Variants in TRPC4 observed in about 807,000 individuals in gnomAD.
TRPC4 encodes short transient receptor potential channel 4.
A neutral mutation model predicts 99.4 loss-of-function variants in TRPC4; 49 were observed. That is an observed-to-expected ratio of 0.49 (90% CI 0.39 to 0.63). The LOEUF is 0.63. Among genes scored for constraint, TRPC4 ranks in the 20% least tolerant of loss-of-function variants. TRPC4 has a pLI of 0.00. For missense variants in TRPC4, 898 were observed against 1,152.9 expected (o/e 0.78, Z 3.20); for synonymous variants, 454 against 425.9 (o/e 1.07, Z -0.81).
intron 1 of TRPC4, among the ~76,000 whole-genome samples, chr13:37,867,922 A>G (rs1959874762): frequency 6.6e-6 from 1 of 152,134 alleles, no homozygotes; most frequent in African/African-American, 2.4e-5. Context: ...CATAAGTTAG[A>G]AAGTTAGTTT....
At chr13:37,721,428 C>T (rs558140521) in intron 3 of TRPC4, among the ~76,000 whole-genome samples, 44 of 152,208 alleles carry the variant, frequency 2.9e-4, no homozygotes, top group African/African-American at 1.0e-3. Context: ...AAATTTAGGG[C>T]TTTCAAAGAG....
chr13:37,707,281 C>T (rs1171501969), intron 3 of TRPC4, among the ~76,000 whole-genome samples: 1 of 152,038 alleles, frequency 6.6e-6, no homozygotes, highest in Non-Finnish European at 1.5e-5. Context: ...TGAACATATA[C>T]CATAGAACAT....
chr13:37,780,467 G>A (rs888767829), intron 2 of TRPC4, among the ~76,000 whole-genome samples: 10 of 152,070 alleles, frequency 6.6e-5, no homozygotes, highest in Non-Finnish European at 1.5e-4. Context: ...GGCATACCAT[G>A]AGTATGAAAA....
At chr13:37,724,400 G>A (rs1312377913) in intron 3 of TRPC4, among the ~76,000 whole-genome samples, 1 of 151,964 alleles carries the variant, frequency 6.6e-6, no homozygotes, top group East Asian at 1.9e-4. Context: ...AATTAGAAAT[G>A]GTAAAAAGGG....
At chr13:37,688,757 A>T (rs557289969) in intron 4 of TRPC4, among the ~76,000 whole-genome samples, 1 of 152,350 alleles carries the variant, frequency 6.6e-6, no homozygotes, top group African/African-American at 2.4e-5. Context: ...AATCTAAGTC[A>T]GTTCAAGAAG....
chr13:37,654,205 A>G (rs1952145798), intron 7 of TRPC4, among the ~76,000 whole-genome samples: 1 of 152,142 alleles, frequency 6.6e-6, no homozygotes, highest in South Asian at 2.1e-4. Context: ...AACAGTAATA[A>G]CACTTCAGAG....
At chr13:37,809,322 T>G (rs1957612767) in intron 1 of TRPC4, among the ~76,000 whole-genome samples, 1 of 152,082 alleles carries the variant, frequency 6.6e-6, no homozygotes, top group Non-Finnish European at 1.5e-5. Flanking sequence ...TTTCTTTCCC[T>G]AAGTTGTTAC....
chr13:37,633,530 C>A lies in TRPC4; in HGVS notation c.*3373G>T, dbSNP rs1951438200. 6.6e-6 allele frequency among the ~76,000 whole-genome samples: 1 copy of A among 152,120 alleles called. No individual in the cohort carries two copies. Among genetic ancestry groups the A allele is most frequent in the Non-Finnish European group, 1.5e-5 (1 of 67,994 alleles). The stretch of plus-strand genomic sequence containing the variant: ...TTATTGAATGTTAGAAGAATATATT[C>A]TTATGCTATTGTTACTTATGTTTCC... On this transcript the variant is annotated 3_prime_UTR_variant, in exon 11 of 11. Coordinates refer to ENST00000379705, the MANE Select transcript of TRPC4 (RefSeq NM_016179.4).
rs893085699 is a variant in TRPC4, at chr13:37,672,998, A to G, written c.1374+1230T>C. 2.6e-5 allele frequency among the ~76,000 whole-genome samples: 4 copies of G among 152,010 alleles called. No individual in the cohort carries two copies. In the South Asian group the frequency reaches 8.3e-4, roughly 32 times the overall value. On this transcript the variant is annotated intron_variant, in intron 5 of 10. Transcript: ENST00000379705. ...TCTAGGGTACATGTGCACAACGTGC[A>G]GGTTTGTTACATAGGTATACATGTG... is the stretch of plus-strand genomic sequence containing the variant.
Position 37,659,007 on chromosome 13 carries a change from TG to T in TRPC4, c.1689-3725del, listed in dbSNP as rs1952342544. Reference sequence around the variant, plus strand: ...GAATAAGAGAAGAAAATAACGTATTTGGGGATTTGTATTTATAATCCATCAG... The same window carrying T: ...GAATAAGAGAAGAAAATAACGTATTTGGGATTTGTATTTATAATCCATCAG... On this transcript the variant is annotated intron_variant, in intron 6 of 10. Transcript: ENST00000379705. Among the ~76,000 whole-genome samples, 3 of 152,138 alleles carry T rather than the reference TG, an allele frequency of 2.0e-5. No homozygotes were observed. The South Asian group carries it at 6.2e-4, about 31-fold the overall frequency.
chr13:37,783,565 T>C (rs1659360297), intron 1 of TRPC4, among the ~76,000 whole-genome samples: 1 of 151,908 alleles, frequency 6.6e-6, no homozygotes, highest in African/African-American at 2.4e-5. Flanking sequence ...TCTTTTAAAA[T>C]AAATAAAAAG....
intron 2 of TRPC4, among the ~76,000 whole-genome samples, chr13:37,753,233 C>T (rs561511044): frequency 9.2e-5 from 14 of 151,856 alleles, no homozygotes; most frequent in African/African-American, 2.9e-4. Flanking sequence ...AAAATACTTT[C>T]TTTAGAGTAT....
chr13:37,782,431 T>G (rs901222896), intron 2 of TRPC4, among the ~76,000 whole-genome samples: 1 of 152,150 alleles, frequency 6.6e-6, no homozygotes, highest in Admixed American at 6.6e-5. Flanking sequence ...TTTCTTTCTT[T>G]AAGTCTCAAT....
At chr13:37,854,076 G>A (rs1456665349) in intron 1 of TRPC4, among the ~76,000 whole-genome samples, 1 of 151,936 alleles carries the variant, frequency 6.6e-6, no homozygotes, top group Admixed American at 6.6e-5. Flanking sequence ...CAAGTAAAAG[G>A]TTATAGAACA....
chr13:37,671,167 A>G (rs1237957489), intron 5 of TRPC4, among the ~76,000 whole-genome samples: 1 of 152,180 alleles, frequency 6.6e-6, no homozygotes, highest in African/African-American at 2.4e-5. Context: ...CTTGATTCAC[A>G]TAATAGCTGT....
chr13:37,827,549 C>A (rs935714112), intron 1 of TRPC4, among the ~76,000 whole-genome samples: 1 of 152,092 alleles, frequency 6.6e-6, no homozygotes, highest in African/African-American at 2.4e-5. Flanking sequence ...TGTCAGTGTG[C>A]CCCTGCTGGG....
At chr13:37,765,231 T>A (rs1199145942) in intron 2 of TRPC4, among the ~76,000 whole-genome samples, 1 of 151,438 alleles carries the variant, frequency 6.6e-6, no homozygotes, top group Non-Finnish European at 1.5e-5. Context: ...CCCAATATTG[T>A]TCAGTGTAGA....
At chr13:37,812,628 T>C (rs1167118443) in intron 1 of TRPC4, among the ~76,000 whole-genome samples, 6 of 152,158 alleles carry the variant, frequency 3.9e-5, no homozygotes, top group African/African-American at 1.4e-4. Context: ...TATTAAGCTG[T>C]GGAACACAGT....
At chr13:37,705,770 G>T (rs1954254100) in intron 3 of TRPC4, among the ~76,000 whole-genome samples, 1 of 152,070 alleles carries the variant, frequency 6.6e-6, no homozygotes, top group African/African-American at 2.4e-5. Flanking sequence ...TCAGGAAAGA[G>T]CCCCAGATAG....
Sources: allele counts gnomAD v4.1 joint callset (sites outside exome capture counted in the v4.1 genomes callset), GRCh38; gene constraint gnomAD v4.1.1; transcripts MANE v1.5; gene names NCBI Gene and HGNC (gene_info 2026-07-23, HGNC 2026-07-21).